Variants in DST observed in about 807,000 individuals in gnomAD.
DST encodes dystonin, also known as bullous pemphigoid antigen.
DST carries 253 observed loss-of-function variants against 875.2 expected under a neutral mutation model. The ratio of observed to expected loss-of-function variants is 0.29; its 90% CI spans 0.26 to 0.32. The LOEUF is 0.32. Among genes scored for constraint, DST ranks in the 10% least tolerant of loss-of-function variants. The pLI is 1.00. For missense variants in DST, 8,287 were observed against 9,111.6 expected (o/e 0.91, Z 3.68); for synonymous variants, 3,124 against 3,197.1 (o/e 0.98, Z 0.77).
intron 13 of DST, among the ~76,000 whole-genome samples, chr6:56,647,688 G>GTTGTTTTTTTTTTTTT (rs1491402943): frequency 7.1e-5 from 9 of 126,898 alleles, no homozygotes; most frequent in African/African-American, 2.5e-4. Flanking sequence ...TTTTTGTAAT[G>GTTGTTTTTTTTTTTTT]TTTTTTTTTT....
chr6:56,811,700 C>T (rs1034295586), intron 4 of DST, among the ~76,000 whole-genome samples: 7 of 152,142 alleles, frequency 4.6e-5, no homozygotes, highest in Non-Finnish European at 1.0e-4. Context: ...TTTTCACCAA[C>T]CACAATCTGA....
intron 5 of DST, among the ~76,000 whole-genome samples, chr6:56,720,908 C>T (rs2099412354): frequency 2.0e-5 from 3 of 147,690 alleles, no homozygotes; most frequent in African/African-American, 8.1e-5. Context: ...AGAGGGGCTC[C>T]TCACTTCCCA....
At position 56,605,563 on chromosome 6, in the gene DST, T is replaced by G. The variant is rs748352660; in HGVS notation, c.9065A>C (p.Asp3022Ala). ...GCTTCCATTTCCTTGAGGATCTTTGTCAGTTACAGAGGCTATCAATGACAA... is the reference window on the plus strand; with the variant it reads ...GCTTCCATTTCCTTGAGGATCTTTGGCAGTTACAGAGGCTATCAATGACAA... ...SHLSLIASVT[D>A]KDPQGNGSDL... The change falls in exon 40 of 104, where the codon GAC becomes GCC. Residue 3022 changes from aspartate to alanine, a missense_variant. By Grantham distance (126) the Asp-to-Ala change is moderately radical. Coordinates refer to ENST00000680361, the MANE Select transcript of DST (RefSeq NM_001374736.1). 1.2e-5 allele frequency: 19 copies of G among 1,613,046 alleles called. No homozygotes were observed. The South Asian group carries it at 2.0e-4, about 17-fold the overall frequency.
At chr6:56,921,997 C>T (rs73746958) in intron 2 of DST, among the ~76,000 whole-genome samples, 127 of 152,164 alleles carry the variant, frequency 8.3e-4, no homozygotes, top group African/African-American at 2.7e-3. Context: ...TTGCTGTTTA[C>T]GAAATTATTT....
intron 36 of DST, chr6:56,615,507 A>T (rs1216135719): frequency 1.2e-6 from 2 of 1,613,992 alleles, no homozygotes; most frequent in African/African-American, 1.3e-5. Context: ...AGTTATTTAA[A>T]CATGTCCCAT....
At chr6:56,705,258 C>A (rs2099328769) in intron 5 of DST, among the ~76,000 whole-genome samples, 1 of 152,202 alleles carries the variant, frequency 6.6e-6, no homozygotes, top group South Asian at 2.1e-4. Flanking sequence ...GGGCTACTCC[C>A]ATGAAAGGAG....
intron 4 of DST, among the ~76,000 whole-genome samples, chr6:56,842,238 T>C (rs2099800958): frequency 6.6e-6 from 1 of 152,206 alleles, no homozygotes; most frequent in Admixed American, 6.5e-5. Context: ...TGGGTCACTA[T>C]TCACTATAAA....
intron 5 of DST, among the ~76,000 whole-genome samples, chr6:56,729,217 T>C (rs1269919111): frequency 2.6e-5 from 4 of 152,234 alleles, no homozygotes; most frequent in Admixed American, 2.6e-4. Flanking sequence ...GTCTTATTTG[T>C]AGGTTTTAAG....
intron 2 of DST, among the ~76,000 whole-genome samples, chr6:56,935,934 A>C (rs1812800016): frequency 6.6e-6 from 1 of 152,216 alleles, no homozygotes; most frequent in Admixed American, 6.5e-5. Context: ...AAAAAGAGAA[A>C]AAAGAAAAAC....
chr6:56,587,630 T>A lies in DST; in HGVS notation c.12903+4552A>T, dbSNP rs532106662. ...ATTGTCAGATTCACCAAAGTTGAAA[T>A]GAAGGAAAAAATGTAAAGGGCAGCC... On this transcript the variant is annotated intron_variant, in intron 49 of 103. Coordinates refer to ENST00000680361, the MANE Select transcript of DST (RefSeq NM_001374736.1). 4.0e-5 allele frequency among the ~76,000 whole-genome samples: 6 copies of A among 151,726 alleles called. No homozygotes were observed. In the South Asian group the frequency reaches 1.3e-3, roughly 32 times the overall value.
intron 2 of DST, among the ~76,000 whole-genome samples, chr6:56,936,379 G>A (rs1354698875): frequency 6.6e-6 from 1 of 152,150 alleles, no homozygotes; most frequent in Non-Finnish European, 1.5e-5. Context: ...GAAAACCAGT[G>A]GTGAGTTTGC....
intron 3 of DST, among the ~76,000 whole-genome samples, chr6:56,890,351 GATTCAGA>G (rs1786804485): frequency 6.6e-6 from 1 of 152,158 alleles, no homozygotes; most frequent in African/African-American, 2.4e-5. Flanking sequence ...AAAATCCTGG[GATTCAGA>G]AACAAAACAA....
At chr6:56,643,710 A>C (rs1027356256) in intron 15 of DST, among the ~76,000 whole-genome samples, 14 of 152,246 alleles carry the variant, frequency 9.2e-5, no homozygotes, top group African/African-American at 3.4e-4. Flanking sequence ...TTACTTCTCC[A>C]CTCTAAGAAT....
At chr6:56,905,056 G>A (rs918953356) in intron 2 of DST, among the ~76,000 whole-genome samples, 1 of 152,174 alleles carries the variant, frequency 6.6e-6, no homozygotes, top group African/African-American at 2.4e-5. Context: ...CCAAAGTCCT[G>A]GGATTACAGG....
chr6:56,908,416 T>C (rs899212789), intron 2 of DST, among the ~76,000 whole-genome samples: 7 of 152,192 alleles, frequency 4.6e-5, no homozygotes, highest in African/African-American at 7.2e-5. Flanking sequence ...GGTTCAATTA[T>C]GAATGTAGGC....
At chr6:56,701,671 T>A (rs1389915220) in intron 8 of DST, among the ~76,000 whole-genome samples, 1 of 152,188 alleles carries the variant, frequency 6.6e-6, no homozygotes, top group African/African-American at 2.4e-5. Flanking sequence ...GATGGAAATG[T>A]AGTCACTTAT....
rs1583265526 is a variant in DST at position 56,501,085 on chromosome 6, G to A, written c.19891C>T (p.His6631Tyr). 1 of 1,612,266 alleles carries A rather than the reference G, an allele frequency of 6.2e-7. No homozygotes were observed. The highest frequency in any genetic ancestry group is 8.5e-7 in the Non-Finnish European group (1 of 1,178,948). Reference protein sequence around the residue: ...PKAIEIELAKHHVLQNDVLAH... With the variant: ...PKAIEIELAKYHVLQNDVLAH... ...ATGCATTAACAGCTACGTACATGAT[G>A]CTTGGCAAGTTCAATTTCAATGGCT... Residue 6631 changes from histidine (H) to tyrosine (Y), a missense_variant, in exon 80 of 104, where the codon CAT becomes TAT. By Grantham distance (83) the His-to-Tyr change is moderately conservative. This residue lies in a region of DST where 1,292 missense variants were observed against 1,552.7 expected (regional missense o/e 0.83). Transcript: ENST00000680361.
chr6:56,933,258 C>G (rs905168570), intron 2 of DST, among the ~76,000 whole-genome samples: 2 of 152,220 alleles, frequency 1.3e-5, no homozygotes, highest in Non-Finnish European at 2.9e-5. Flanking sequence ...GACCTGCCCC[C>G]ACTTCAAGAT....
chr6:56,809,877 T>C (rs544272691), intron 4 of DST, among the ~76,000 whole-genome samples: 115 of 152,354 alleles, frequency 7.5e-4, no homozygotes, highest in Admixed American at 1.5e-3. Context: ...AATTTTGATA[T>C]GCAAATTTTT....
Sources: allele counts gnomAD v4.1 joint callset (sites outside exome capture counted in the v4.1 genomes callset), GRCh38; gene constraint gnomAD v4.1.1; regional missense constraint gnomAD v4.1.1; transcripts MANE v1.5; gene names NCBI Gene and HGNC (gene_info 2026-07-23, HGNC 2026-07-21).